The following BCKDHB variants were observed in gnomAD, a reference collection of about 807,000 sequenced individuals.
The protein encoded by BCKDHB is branched chain keto acid dehydrogenase E1 subunit beta, also known as 2-oxoisovalerate dehydrogenase subunit beta, mitochondrial.
BCKDHB carries 41 observed loss-of-function variants against 48.5 expected under a neutral mutation model. The observed-to-expected ratio is 0.85, with a 90% CI of 0.66 to 1.10. The LOEUF (loss-of-function observed/expected upper bound fraction) is 1.10, where lower values mean the gene tolerates loss of function less well. Among genes scored for constraint, BCKDHB ranks in the 50% least tolerant of loss-of-function variants. The pLI is 0.00. For missense variants in BCKDHB, 496 were observed against 494.2 expected (o/e 1.00, Z -0.03); for synonymous variants, 201 against 174.8 (o/e 1.15, Z -1.18).
At chr6:80,126,005 T>C (rs1770322104) in intron 1 of BCKDHB, among the ~76,000 whole-genome samples, 1 of 152,204 alleles carries the variant, frequency 6.6e-6, no homozygotes, top group African/African-American at 2.4e-5. Flanking sequence ...AGTATGCCTG[T>C]ATCTATTAAG....
chr6:80,312,968 T>C (rs927902522), intron 9 of BCKDHB, among the ~76,000 whole-genome samples: 2 of 152,180 alleles, frequency 1.3e-5, no homozygotes, highest in Non-Finnish European at 2.9e-5. Context: ...GAGTCCATCC[T>C]TTTTGATTTT....
chr6:80,156,191 A>G (rs577944946), intron 3 of BCKDHB, among the ~76,000 whole-genome samples: 3 of 151,994 alleles, frequency 2.0e-5, no homozygotes, highest in Non-Finnish European at 4.4e-5. Context: ...GTCAACGATA[A>G]TCTTGAGAAG....
intron 3 of BCKDHB, among the ~76,000 whole-genome samples, chr6:80,144,700 C>T (rs1430267287): frequency 6.6e-6 from 1 of 152,142 alleles, no homozygotes; most frequent in East Asian, 1.9e-4. Context: ...CTCTTTCTTT[C>T]TTAAAGCATG....
chr6:80,117,683 G>A (rs929561092), intron 1 of BCKDHB, among the ~76,000 whole-genome samples: 59 of 152,228 alleles, frequency 3.9e-4, no homozygotes, highest in African/African-American at 1.4e-3. Context: ...AGCGATCTGT[G>A]CCTTAAGGAC....
chr6:80,361,184 G>A, the BCKDHB span, among the ~76,000 whole-genome samples: 1 of 151,778 alleles, frequency 6.6e-6, no homozygotes, highest in African/African-American at 2.4e-5. Flanking sequence ...TCATCACCTT[G>A]TGCTGGGCTG....
chr6:80,245,195 A>T (rs2127922871), intron 8 of BCKDHB, among the ~76,000 whole-genome samples: 1 of 152,294 alleles, frequency 6.6e-6, no homozygotes, highest in South Asian at 2.1e-4. Context: ...GGAAACTGAA[A>T]GGTGCTTATA....
chr6:80,241,617 TTTTTATACATATTTCTTTATG>T (rs1231924986), intron 8 of BCKDHB, among the ~76,000 whole-genome samples: 1 of 152,182 alleles, frequency 6.6e-6, no homozygotes, highest in Non-Finnish European at 1.5e-5. Context: ...GAACAGCAAT[TTTTTATACATATTTCTTTATG>T]TATATAGGCA....
intron 9 of BCKDHB, among the ~76,000 whole-genome samples, chr6:80,314,034 G>C (rs1480702812): frequency 1.3e-5 from 2 of 152,110 alleles, no homozygotes; most frequent in Non-Finnish European, 2.9e-5. Context: ...TTACCCAAAA[G>C]TCATTCAGAG....
At chr6:80,382,055 A>G in the BCKDHB span, among the ~76,000 whole-genome samples, 21 of 152,282 alleles carry the variant, frequency 1.4e-4, no homozygotes, top group South Asian at 2.3e-3. Context: ...ATTGATGTTG[A>G]TGATAATGAT....
At chr6:80,237,332 C>T (rs987565931) in intron 8 of BCKDHB, among the ~76,000 whole-genome samples, 3 of 152,130 alleles carry the variant, frequency 2.0e-5, no homozygotes, top group Non-Finnish European at 4.4e-5. Flanking sequence ...AGTAACTGAA[C>T]TAGGTGATCA....
chr6:80,400,621 G>T, the BCKDHB span, among the ~76,000 whole-genome samples: 1 of 151,992 alleles, frequency 6.6e-6, no homozygotes, highest in Non-Finnish European at 1.5e-5. Context: ...CTGTTGGTGG[G>T]AGTTTAAACT....
the BCKDHB span, among the ~76,000 whole-genome samples, chr6:80,403,564 T>G: frequency 1.3e-5 from 2 of 151,868 alleles, no homozygotes; most frequent in Admixed American, 1.3e-4. Context: ...TGTTGGCGGC[T>G]TTTGTTTCCT....
intron 8 of BCKDHB, among the ~76,000 whole-genome samples, chr6:80,220,726 T>C (rs1266201259): frequency 3.0e-5 from 4 of 133,488 alleles, no homozygotes; most frequent in Admixed American, 8.7e-5. Flanking sequence ...TCTTTTTCTT[T>C]TCTTTTTCTT....
At chr6:80,126,547 C>G (rs150825040) in intron 1 of BCKDHB, among the ~76,000 whole-genome samples, 1 of 152,012 alleles carries the variant, frequency 6.6e-6, no homozygotes, top group Non-Finnish European at 1.5e-5. Flanking sequence ...CAACAGGTAT[C>G]GAAATGATTT....
Position 80,168,911 on chromosome 6 carries a change from G to A in BCKDHB, c.514G>A (p.Gly172Arg), listed in dbSNP as rs1234990645. ...AGCTGCCAAGTATCGCTATCGCTCT[G>A]GGGATCTTTTTAACTGTGGAAGCCT... is the stretch of plus-strand genomic sequence containing the variant. ...NEAAKYRYRS[G>R]DLFNCGSLTI... The change falls in exon 5 of 10, where the codon GGG (glycine) becomes AGG (arginine). Residue 172 changes from glycine (G) to arginine (R), a missense_variant. Gly to Arg is a moderately radical substitution (Grantham distance 125, BLOSUM62 -2). Coordinates refer to ENST00000320393, the MANE Select transcript of BCKDHB (RefSeq NM_183050.4). 2 of 1,614,106 alleles carry A rather than the reference G, an allele frequency of 1.2e-6. No individual in the cohort carries two copies. Among genetic ancestry groups the A allele is most frequent in the Admixed American group, 1.7e-5 (1 of 60,022 alleles).
intron 8 of BCKDHB, among the ~76,000 whole-genome samples, chr6:80,206,269 T>C (rs3805914): frequency 0.11 from 16,294 of 148,174 alleles, 1,464 homozygotes; most frequent in South Asian, 0.25. Context: ...TATTGAATTA[T>C]GTACTTTTAC....
downstream of BCKDHB, among the ~76,000 whole-genome samples, chr6:80,351,004 A>G (rs6921246): frequency 0.21 from 31,283 of 152,136 alleles, 3,722 homozygotes; most frequent in South Asian, 0.37. Flanking sequence ...GCTTATCCCT[A>G]AGTTATACTT....
At chr6:80,284,480 A>G (rs1766529300) in intron 9 of BCKDHB, among the ~76,000 whole-genome samples, 1 of 53,810 alleles carries the variant, frequency 1.9e-5, no homozygotes, top group Non-Finnish European at 4.5e-5. Context: ...TTTCAAGTTA[A>G]CTTAAAAAGT....
chr6:80,344,359 T>TTG lies in BCKDHB; in HGVS notation c.*556_*557insGT. ...CATATGTATATGTGATTTTTTTTTT[T>TTG]TTTTTGAGACCGAGTCTCACTCTGT... On this transcript the variant is annotated 3_prime_UTR_variant, in exon 10 of 10. Coordinates refer to ENST00000320393, the MANE Select transcript of BCKDHB (RefSeq NM_183050.4). 6.3e-6 allele frequency: 1 copy of TTG among 158,814 alleles called. No homozygotes were observed. Among genetic ancestry groups the TTG allele is most frequent in the Middle Eastern group, 3.3e-3 (1 of 304 alleles). The allele number at this position is 158,814 out of a possible 1,614,324, so 9.8% of individuals were successfully genotyped here. A position where few individuals can be genotyped will look rare whatever the true frequency, so the allele number is the denominator to read the frequency against.
Sources: allele counts gnomAD v4.1 joint callset (sites outside exome capture counted in the v4.1 genomes callset), GRCh38; gene constraint gnomAD v4.1.1; transcripts MANE v1.5; gene names NCBI Gene and HGNC (gene_info 2026-07-23, HGNC 2026-07-21).